Variants in MRPL42 observed in about 807,000 individuals in gnomAD.
MRPL42 encodes mitochondrial ribosomal protein L42, also known as large ribosomal subunit protein mL42.
Under a neutral mutation model 17.9 loss-of-function variants are expected in MRPL42, and 17 were observed. That is an observed-to-expected ratio of 0.95 (90% CI 0.65 to 1.42). The LOEUF is 1.42. Among genes scored for constraint, MRPL42 ranks in the 40% most tolerant of loss-of-function variants. The pLI is 0.00. For missense variants in MRPL42, 177 were observed against 175.2 expected (o/e 1.01, Z -0.06); for synonymous variants, 59 against 54.4 (o/e 1.08, Z -0.37).
Position 93,512,597 on chromosome 12 carries a change from A to G in MRPL42, c.*11376A>G, listed in dbSNP as rs1198952642. ...GGAATGCAACTTGTTTTTTAATGGCAGATAAAATCAAAGAGCAAAAGCAAA... is the reference window on the plus strand; with the variant it reads ...GGAATGCAACTTGTTTTTTAATGGCGGATAAAATCAAAGAGCAAAAGCAAA... On this transcript the variant is annotated 3_prime_UTR_variant, in exon 6 of 6. Coordinates refer to ENST00000549982, the MANE Select transcript of MRPL42 (RefSeq NM_014050.4). 1.3e-5 allele frequency: 2 copies of G among 152,720 alleles called. No homozygotes were observed. Among genetic ancestry groups the G allele is most frequent in the African/African-American group, 2.4e-5 (1 of 41,600 alleles). 9.5% of individuals were successfully genotyped at this position (152,720 alleles called of 1,614,324 possible). A position where few individuals can be genotyped will look rare whatever the true frequency, so the allele number is the denominator to read the frequency against.
Position 93,506,260 on chromosome 12 carries a change from C to CT in MRPL42, c.*5061dup, listed in dbSNP as rs58440444. The CT allele has an allele frequency of 0.047, 4,078 of 87,686 alleles. 201 individuals carry two copies. Among genetic ancestry groups the CT allele is most frequent in the African/African-American group, 0.13 (2,333 of 17,646 alleles). 5.4% of individuals were successfully genotyped at this position (87,686 alleles called of 1,614,324 possible). A position where few individuals can be genotyped will look rare whatever the true frequency, so the allele number is the denominator to read the frequency against. On this transcript the variant is annotated 3_prime_UTR_variant, in exon 6 of 6. Transcript: ENST00000549982. ...AGTCTTCAATTCAGCAAGAATGTCT[C>CT]TTTTTTTTTTTTTTTTTTTTTTGGG... is the stretch of plus-strand genomic sequence containing the variant.
intron 3 of MRPL42, 70 bp from the exon 4 acceptor site, chr12:93,479,313 CAAAAA>C: frequency 1.5e-5 from 11 of 730,918 alleles, no homozygotes; most frequent in South Asian, 5.1e-5. Flanking sequence ...GAGTCCATCT[CAAAAA>C]AAAAAAAAAA....
intron 2 of MRPL42, among the ~76,000 whole-genome samples, chr12:93,475,415 G>A (rs61934320): frequency 3.1e-4 from 47 of 151,734 alleles, no homozygotes; most frequent in Non-Finnish European, 5.1e-4. Context: ...TGCGCCTGGC[G>A]AATATTTGAC....
chr12:93,472,185 A>C (rs1879941512), intron 2 of MRPL42, among the ~76,000 whole-genome samples: 1 of 152,180 alleles, frequency 6.6e-6, no homozygotes. Context: ...TTAACTAAGA[A>C]TTAGGTTACC....
rs1439460184 is a variant in MRPL42 at position 93,510,823 on chromosome 12, T to C, written c.*9602T>C. On this transcript the variant is annotated 3_prime_UTR_variant, in exon 6 of 6. Coordinates refer to ENST00000549982, the MANE Select transcript of MRPL42 (RefSeq NM_014050.4). ...CTTTAAATATTTTGGATAAATCTTTTGTCAGATATATGCACTGGAAATATT... is the reference window on the plus strand; with the variant it reads ...CTTTAAATATTTTGGATAAATCTTTCGTCAGATATATGCACTGGAAATATT... The C allele has an allele frequency of 6.6e-6, 1 of 152,232 alleles. No homozygotes were observed. The highest frequency in any genetic ancestry group is 1.5e-5 in the Non-Finnish European group (1 of 68,040). 9.4% of individuals were successfully genotyped at this position (152,232 alleles called of 1,614,324 possible).
intron 5 of MRPL42, among the ~76,000 whole-genome samples, chr12:93,491,622 T>A (rs1953415965): frequency 6.6e-6 from 1 of 151,928 alleles, no homozygotes; most frequent in Admixed American, 6.6e-5. Flanking sequence ...AGATAAGGAT[T>A]TTTTTTTTGT....
In MRPL42 at chr12:93,487,552, T is replaced by G; in HGVS notation, c.275T>G (p.Leu92Arg). The G allele has an allele frequency of 6.2e-7, 1 of 1,613,914 alleles. No homozygotes were observed. The highest frequency in any genetic ancestry group is 2.2e-5 in the East Asian group (1 of 44,864). The change falls in exon 5 of 6, where the codon CTG becomes CGG. Residue 92 changes from leucine to arginine, a missense_variant. Transcript: ENST00000549982. ...AATGAAGAAACACATGATCAAGTGC[T>G]GAAAACCAGATTGGAAGAAAAAGTT... ...HNNEETHDQV[L>R]KTRLEEKVEH...
chr12:93,512,869 A>G lies in MRPL42; in HGVS notation c.*11648A>G, dbSNP rs1216535010. ...AGGATTTAAATTTAATTGTAAGCTTATATGATACATTGTTCTAACTGGCAA... is the reference window on the plus strand; with the variant it reads ...AGGATTTAAATTTAATTGTAAGCTTGTATGATACATTGTTCTAACTGGCAA... On this transcript the variant is annotated 3_prime_UTR_variant, in exon 6 of 6. Transcript: ENST00000549982. 1.3e-5 allele frequency: 2 copies of G among 152,274 alleles called. No individual in the cohort carries two copies. Among genetic ancestry groups the G allele is most frequent in the Non-Finnish European group, 2.9e-5 (2 of 68,050 alleles). 9.4% of individuals were successfully genotyped at this position (152,274 alleles called of 1,614,324 possible). A position where few individuals can be genotyped will look rare whatever the true frequency, so the allele number is the denominator to read the frequency against.
At chr12:93,482,010 A>G (rs973047442) in intron 4 of MRPL42, among the ~76,000 whole-genome samples, 1 of 152,108 alleles carries the variant, frequency 6.6e-6, no homozygotes, top group Non-Finnish European at 1.5e-5. Context: ...TTGTTTTGAC[A>G]ATTATCTTCT....
chr12:93,487,310 G>A (rs771625047), intron 4 of MRPL42, among the ~76,000 whole-genome samples, 187 bp from the exon 5 acceptor site: 1 of 150,048 alleles, frequency 6.7e-6, no homozygotes, highest in Non-Finnish European at 1.5e-5. Context: ...AAAATTTGCT[G>A]TGAGAAGAAA....
At chr12:93,476,272 C>T (rs775007392) in intron 2 of MRPL42, among the ~76,000 whole-genome samples, 8 of 152,066 alleles carry the variant, frequency 5.3e-5, no homozygotes, top group East Asian at 1.9e-4. Flanking sequence ...CTGCAAACTC[C>T]GCCTCCTGGG....
chr12:93,487,546 A>G lies in MRPL42; in HGVS notation c.269A>G (p.Gln90Arg). ...PVHNNEETHD[Q>R]VLKTRLEEKV... ...CATAATAATGAAGAAACACATGATC[A>G]AGTGCTGAAAACCAGATTGGAAGAA... Residue 90 changes from glutamine to arginine, a missense_variant, in exon 5 of 6, where the codon CAA becomes CGA. Gln to Arg is a conservative substitution (Grantham distance 43). Transcript: ENST00000549982. 4.3e-6 allele frequency: 7 copies of G among 1,613,922 alleles called. No individual in the cohort carries two copies. Among genetic ancestry groups the G allele is most frequent in the Non-Finnish European group, 5.9e-6 (7 of 1,179,806 alleles).
rs993939190 is a variant in MRPL42 at position 93,511,635 on chromosome 12, G to A, written c.*10414G>A. On this transcript the variant is annotated 3_prime_UTR_variant, in exon 6 of 6. Transcript: ENST00000549982. ...TGGTTTGATGTACCATTAATATATA[G>A]ATATTACTAATATGGCAATTAGTTT... 6.6e-5 allele frequency: 10 copies of A among 152,124 alleles called. No individual in the cohort carries two copies. Among genetic ancestry groups the A allele is most frequent in the African/African-American group, 2.4e-4 (10 of 41,422 alleles). 9.4% of individuals were successfully genotyped at this position (152,124 alleles called of 1,614,324 possible).
chr12:93,486,720 A>G (rs1451132034), intron 4 of MRPL42, among the ~76,000 whole-genome samples: 1 of 152,242 alleles, frequency 6.6e-6, no homozygotes, highest in Non-Finnish European at 1.5e-5. Context: ...TTTTAAGTTA[A>G]AAAATAATAA....
At position 93,484,961 on chromosome 12, in the gene MRPL42, A is replaced by AACAC. The variant is rs79607829; in HGVS notation, c.220-2520_220-2517dup. Among the ~76,000 whole-genome samples the AACAC allele has an allele frequency of 1.6e-3, 42 of 26,720 alleles. 1 individual carries two copies. The highest frequency in any genetic ancestry group is 8.8e-3 in the South Asian group (7 of 800). The allele number at this position is 26,720 out of a possible 152,430, so 17.5% of individuals were successfully genotyped here. A position where few individuals can be genotyped will look rare whatever the true frequency, so the allele number is the denominator to read the frequency against. On this transcript the variant is annotated intron_variant, in intron 4 of 5. Coordinates refer to ENST00000549982, the MANE Select transcript of MRPL42 (RefSeq NM_014050.4). ...GTGCCACCTCCATTGCTTTTTAAAA[A>AACAC]ACACACACACACACACACATATATA... is the stretch of plus-strand genomic sequence containing the variant.
At chr12:93,494,488 C>A (rs1353116858) in intron 5 of MRPL42, among the ~76,000 whole-genome samples, 3 of 152,018 alleles carry the variant, frequency 2.0e-5, no homozygotes, top group Non-Finnish European at 4.4e-5. Context: ...GGTTTTTGGC[C>A]CAAGCACCTA....
intron 5 of MRPL42, among the ~76,000 whole-genome samples, chr12:93,497,405 G>C (rs1375633335): frequency 1.3e-5 from 2 of 152,174 alleles, no homozygotes; most frequent in Non-Finnish European, 2.9e-5. Context: ...CTTTCTGCCT[G>C]AGATGCAAGG....
chr12:93,473,410 T>C (rs1316703041), intron 2 of MRPL42, among the ~76,000 whole-genome samples: 1 of 152,000 alleles, frequency 6.6e-6, no homozygotes, highest in African/African-American at 2.4e-5. Context: ...TACAGATGTG[T>C]ACTACCATGT....
rs1312311216 is a variant in MRPL42 at position 93,503,042 on chromosome 12, GA to G, written c.*1823del. 1 of 152,174 alleles carries G rather than the reference GA, an allele frequency of 6.6e-6. No individual in the cohort carries two copies. The highest frequency in any genetic ancestry group is 1.5e-5 in the Non-Finnish European group (1 of 68,018). The allele number at this position is 152,174 out of a possible 1,614,324, so 9.4% of individuals were successfully genotyped here. ...TTCCTCCCCCGTCCCCCAGGGATAA[GA>G]ACCTGTTATCCACCATCAGTAACAT... On this transcript the variant is annotated 3_prime_UTR_variant, in exon 6 of 6. Transcript: ENST00000549982.
Sources: allele counts gnomAD v4.1 joint callset (sites outside exome capture counted in the v4.1 genomes callset), GRCh38; gene constraint gnomAD v4.1.1; transcripts MANE v1.5; gene names NCBI Gene and HGNC (gene_info 2026-07-23, HGNC 2026-07-21).